Variants in ST3GAL3 observed in about 807,000 individuals in gnomAD.
ST3GAL3 encodes ST3 beta-galactoside alpha-2,3-sialyltransferase 3.
Under a neutral mutation model 50.1 loss-of-function variants are expected in ST3GAL3, and 21 were observed. That is an observed-to-expected ratio of 0.42 (90% CI 0.30 to 0.60). ST3GAL3 has a LOEUF of 0.60. ST3GAL3 is among the 20% of genes least tolerant of loss of function. The probability of loss-of-function intolerance (pLI) is 0.19; values close to 1 mark genes in which losing one functional copy is unlikely to be tolerated. For synonymous variants in ST3GAL3, 183 were observed against 190.0 expected (o/e 0.96, Z 0.30); for missense variants, 353 against 489.4 (o/e 0.72, Z 2.63).
Position 43,920,802 on chromosome 1 carries a change from T to C in ST3GAL3, c.912T>C (p.Ser304=), listed in dbSNP as rs1557562991. Residue 304 remains serine (S), a synonymous_variant, in exon 11 of 12, where the codon AGT becomes AGC. Coordinates refer to ENST00000347631, the MANE Select transcript of ST3GAL3 (RefSeq NM_006279.5). The part of the protein sequence containing the change: ...MGRGNIPTLG[S]VAVTMALHGC... ...TCTAGAACATCCCTACCCTTGGCAGTGTGGCAGTGACCATGGCACTACACG... is the reference window on the plus strand; with the variant it reads ...TCTAGAACATCCCTACCCTTGGCAGCGTGGCAGTGACCATGGCACTACACG... The C allele has an allele frequency of 6.2e-7, 1 of 1,614,112 alleles. No homozygotes were observed. The highest frequency in any genetic ancestry group is 1.7e-5 in the Admixed American group (1 of 60,018).
intron 3 of ST3GAL3, among the ~76,000 whole-genome samples, chr1:43,792,601 A>C (rs575554845): frequency 6.6e-6 from 1 of 152,120 alleles, no homozygotes; most frequent in Non-Finnish European, 1.5e-5. Context: ...TGCACACCCC[A>C]TATATTCAAA....
chr1:43,733,004 A>G lies in ST3GAL3; in HGVS notation c.-30-3229A>G, dbSNP rs570196868. ...ACTTTTTTTTTTTTTTTTAAGAGAC[A>G]GCATCTCTCTGTTGCCCAGGCTGAT... is the stretch of plus-strand genomic sequence containing the variant. On this transcript the variant is annotated intron_variant, in intron 1 of 11. Coordinates refer to ENST00000347631, the MANE Select transcript of ST3GAL3 (RefSeq NM_006279.5). Among the ~76,000 whole-genome samples the G allele has an allele frequency of 7.4e-5, 11 of 149,628 alleles. No homozygotes were observed. The South Asian group carries it at 2.1e-3, about 29-fold the overall frequency.
At chr1:43,764,182 A>C (rs1000942157) in intron 2 of ST3GAL3, among the ~76,000 whole-genome samples, 1 of 152,224 alleles carries the variant, frequency 6.6e-6, no homozygotes, top group African/African-American at 2.4e-5. Flanking sequence ...TTATTTGGTT[A>C]TAAGCAAGGA....
intron 3 of ST3GAL3, among the ~76,000 whole-genome samples, chr1:43,806,641 TAA>T (rs1193794842): frequency 1.3e-5 from 2 of 152,218 alleles, no homozygotes; most frequent in Non-Finnish European, 1.5e-5. Flanking sequence ...CATTTAGGAA[TAA>T]TGTGTAGGAA....
chr1:43,758,396 G>A (rs1250239775), intron 2 of ST3GAL3, among the ~76,000 whole-genome samples: 8 of 152,070 alleles, frequency 5.3e-5, no homozygotes, highest in Non-Finnish European at 1.0e-4. Context: ...GACTACAGAA[G>A]TGTGCCTCTA....
chr1:43,778,051 G>A (rs1378719183), intron 2 of ST3GAL3, among the ~76,000 whole-genome samples: 1 of 152,136 alleles, frequency 6.6e-6, no homozygotes, highest in Non-Finnish European at 1.5e-5. Flanking sequence ...TGATAGACTG[G>A]ATAAAGAAAA....
intron 1 of ST3GAL3, among the ~76,000 whole-genome samples, chr1:43,718,338 C>T (rs1194925116): frequency 2.6e-5 from 4 of 151,468 alleles, no homozygotes; most frequent in South Asian, 2.1e-4. Context: ...TATAGGCGCC[C>T]GCCACCATGC....
intron 11 of ST3GAL3, chr1:43,921,965 CCTT>C (rs1297140845): frequency 3.1e-5 from 12 of 390,836 alleles, no homozygotes; most frequent in South Asian, 1.4e-4. Flanking sequence ...GTTGGCCACT[CCTT>C]CTTCTTTGAA....
intron 9 of ST3GAL3, among the ~76,000 whole-genome samples, chr1:43,915,038 G>C (rs912339296): frequency 1.3e-5 from 2 of 152,366 alleles, no homozygotes; most frequent in East Asian, 1.9e-4. Context: ...TGCTCAGCCT[G>C]ACTGGGGCTG....
chr1:43,766,672 G>C (rs1484656886), intron 2 of ST3GAL3, among the ~76,000 whole-genome samples: 1 of 152,146 alleles, frequency 6.6e-6, no homozygotes, highest in African/African-American at 2.4e-5. Context: ...AAGGTGAGGT[G>C]TGGAGTTTAG....
chr1:43,891,537 C>A (rs2076682861), intron 5 of ST3GAL3, among the ~76,000 whole-genome samples: 1 of 152,068 alleles, frequency 6.6e-6, no homozygotes, highest in Non-Finnish European at 1.5e-5. Flanking sequence ...CCATTGCACT[C>A]CAGCCTGGGC....
At chr1:43,812,006 C>T (rs2060617641) in intron 3 of ST3GAL3, among the ~76,000 whole-genome samples, 1 of 152,158 alleles carries the variant, frequency 6.6e-6, no homozygotes, top group South Asian at 2.1e-4. Context: ...AATGTATCAC[C>T]TTATAGACCC....
At chr1:43,854,397 C>T (rs2067939678) in intron 5 of ST3GAL3, among the ~76,000 whole-genome samples, 1 of 152,198 alleles carries the variant, frequency 6.6e-6, no homozygotes, top group Admixed American at 6.5e-5. Flanking sequence ...GTATTGATCT[C>T]TTCCTCCATT....
intron 9 of ST3GAL3, among the ~76,000 whole-genome samples, chr1:43,907,851 C>G (rs1275314669): frequency 6.6e-6 from 1 of 152,192 alleles, no homozygotes; most frequent in Non-Finnish European, 1.5e-5. Flanking sequence ...ATGTTCACCT[C>G]TCTTCTTTTC....
At chr1:43,841,260 T>C (rs2065328011) in intron 5 of ST3GAL3, 1 of 152,320 alleles carries the variant, frequency 6.6e-6, no homozygotes, top group Non-Finnish European at 1.5e-5. Flanking sequence ...CACAAGGCAG[T>C]GTCCCAGTGG....
At chr1:43,813,378 G>A (rs3791061) in intron 3 of ST3GAL3, among the ~76,000 whole-genome samples, 28,397 of 152,092 alleles carry the variant, frequency 0.19, 3,344 homozygotes, top group African/African-American at 0.31. Context: ...TGTATTTTTC[G>A]TTTTATTTTA....
At chr1:43,829,219 C>G (rs1340498201) in intron 4 of ST3GAL3, among the ~76,000 whole-genome samples, 1 of 152,142 alleles carries the variant, frequency 6.6e-6, no homozygotes, top group Non-Finnish European at 1.5e-5. Flanking sequence ...AAATCTTCCT[C>G]CTGCCATTTC....
intron 4 of ST3GAL3, among the ~76,000 whole-genome samples, chr1:43,825,450 C>T (rs1573718878): frequency 6.6e-6 from 1 of 152,100 alleles, no homozygotes; most frequent in East Asian, 1.9e-4. Flanking sequence ...AAAATCTCAG[C>T]CAATTGAAGA....
chr1:43,847,931 G>T (rs1009062200), intron 5 of ST3GAL3, among the ~76,000 whole-genome samples: 12 of 151,948 alleles, frequency 7.9e-5, no homozygotes, highest in Admixed American at 7.9e-4. Context: ...TCTTTCTTCT[G>T]CCTGAAGAAC....
Sources: allele counts gnomAD v4.1 joint callset (sites outside exome capture counted in the v4.1 genomes callset), GRCh38; gene constraint gnomAD v4.1.1; transcripts MANE v1.5; gene names NCBI Gene and HGNC (gene_info 2026-07-23, HGNC 2026-07-21).